The following BLTP3A variants were observed in gnomAD, a reference collection of about 807,000 sequenced individuals.
BLTP3A encodes ICBP90 binding protein 1.
the BLTP3A span, chr6:34,871,629 A>T: frequency 6.2e-7 from 1 of 1,613,880 alleles, no homozygotes; most frequent in Non-Finnish European, 8.5e-7. Context: ...CCCCATCCCC[A>T]TCACTCTGGC....
the BLTP3A span, among the ~76,000 whole-genome samples, chr6:34,802,871 T>C: frequency 1.3e-5 from 2 of 152,168 alleles, no homozygotes; most frequent in Admixed American, 1.3e-4. Flanking sequence ...GGTTATATTA[T>C]ATGTAAAAAA....
chr6:34,867,639 G>A, the BLTP3A span: 15 of 1,605,518 alleles, frequency 9.3e-6, no homozygotes, highest in East Asian at 2.2e-5. Context: ...GTCATTCCAC[G>A]ACAGATCATG....
At chr6:34,849,606 C>G in the BLTP3A span, among the ~76,000 whole-genome samples, 11 of 152,086 alleles carry the variant, frequency 7.2e-5, no homozygotes, top group African/African-American at 1.2e-4. Context: ...AGTTCATACA[C>G]CATAATCACA....
the BLTP3A span, among the ~76,000 whole-genome samples, chr6:34,799,220 GC>G: frequency 1.3e-5 from 2 of 152,154 alleles, no homozygotes; most frequent in Non-Finnish European, 2.9e-5. Flanking sequence ...GGAATTACAG[GC>G]GTGAGCCACC....
At chr6:34,858,136 C>T in the BLTP3A span, 1 of 1,611,556 alleles carries the variant, frequency 6.2e-7, no homozygotes, top group Non-Finnish European at 8.5e-7. Context: ...GAGCTTTCCA[C>T]TGGAAAAGAG....
the BLTP3A span, among the ~76,000 whole-genome samples, chr6:34,861,285 C>G: frequency 6.6e-6 from 1 of 152,098 alleles, no homozygotes; most frequent in Non-Finnish European, 1.5e-5. Flanking sequence ...GCCACCACGC[C>G]CAGCTAATTT....
the BLTP3A span, among the ~76,000 whole-genome samples, chr6:34,854,716 T>G: frequency 6.6e-6 from 1 of 152,150 alleles, no homozygotes; most frequent in Non-Finnish European, 1.5e-5. Context: ...GTCGATTGGA[T>G]GGAAATGACC....
At chr6:34,872,022 T>G in the BLTP3A span, 10 of 1,214,058 alleles carry the variant, frequency 8.2e-6, no homozygotes, top group Non-Finnish European at 1.2e-5. Context: ...AGGTTGCGTG[T>G]GCTGCCTGCA....
the BLTP3A span, chr6:34,867,186 T>G: frequency 7.6e-6 from 12 of 1,570,450 alleles, no homozygotes; most frequent in Non-Finnish European, 1.0e-5. Context: ...GAACAGAATA[T>G]TTTGACTTTT....
chr6:34,824,642 T>C, the BLTP3A span, among the ~76,000 whole-genome samples: 1 of 151,672 alleles, frequency 6.6e-6, no homozygotes, highest in Non-Finnish European at 1.5e-5. Flanking sequence ...CTCTAAAATA[T>C]ATATATGTAT....
chr6:34,822,065 C>G, the BLTP3A span: 1 of 1,308,060 alleles, frequency 7.6e-7, no homozygotes, highest in Non-Finnish European at 1.1e-6. Context: ...GTGGGTGTCT[C>G]CTTATGTCCC....
At chr6:34,871,518 G>A in the BLTP3A span, 4 of 1,482,282 alleles carry the variant, frequency 2.7e-6, no homozygotes, top group African/African-American at 1.4e-5. Context: ...AATGATGGGA[G>A]CATGGGTTGT....
chr6:34,793,474 G>A, the BLTP3A span, among the ~76,000 whole-genome samples: 2 of 152,180 alleles, frequency 1.3e-5, no homozygotes, highest in South Asian at 4.1e-4. Flanking sequence ...GCTTTGGTAA[G>A]CGGTGTGTGA....
the BLTP3A span, among the ~76,000 whole-genome samples, chr6:34,830,923 A>G: frequency 6.6e-6 from 1 of 151,820 alleles, no homozygotes; most frequent in African/African-American, 2.4e-5. Context: ...TTTAATTTAT[A>G]TTTTTCTGAC....
the BLTP3A span, among the ~76,000 whole-genome samples, chr6:34,809,034 A>G: frequency 6.6e-6 from 1 of 152,188 alleles, no homozygotes; most frequent in Non-Finnish European, 1.5e-5. Context: ...AATACTTCCA[A>G]ACTTGTTTAA....
chr6:34,814,533 G>T, the BLTP3A span, among the ~76,000 whole-genome samples: 1 of 152,218 alleles, frequency 6.6e-6, no homozygotes, highest in East Asian at 1.9e-4. Flanking sequence ...AGACGTGCAT[G>T]CACCATCAGC....
At chr6:34,813,123 CGACT>C in the BLTP3A span, among the ~76,000 whole-genome samples, 1 of 152,116 alleles carries the variant, frequency 6.6e-6, no homozygotes, top group East Asian at 1.9e-4. Flanking sequence ...GAGCTGAAGT[CGACT>C]GACTGTTGCA....
chr6:34,857,254 T>C, the BLTP3A span: 2 of 1,557,774 alleles, frequency 1.3e-6, no homozygotes, highest in Non-Finnish European at 1.8e-6. Flanking sequence ...GTAGAGGCTT[T>C]ATGCTTCCTA....
At chr6:34,809,262 G>A in the BLTP3A span, among the ~76,000 whole-genome samples, 3 of 151,948 alleles carry the variant, frequency 2.0e-5, no homozygotes, top group Non-Finnish European at 4.4e-5. Flanking sequence ...GCGTGGTGGT[G>A]CATGCCACTA....
Sources: allele counts gnomAD v4.1 joint callset (sites outside exome capture counted in the v4.1 genomes callset), GRCh38; gene constraint gnomAD v4.1.1; transcripts MANE v1.5; gene names NCBI Gene and HGNC (gene_info 2026-07-23, HGNC 2026-07-21).